The following TSHZ2 variants were observed in gnomAD, a reference collection of about 807,000 sequenced individuals.
The protein encoded by TSHZ2 is teashirt homolog 2.
A neutral mutation model predicts 74.4 loss-of-function variants in TSHZ2; 21 were observed. That is an observed-to-expected ratio of 0.28 (90% CI 0.20 to 0.41). The LOEUF is 0.41. Ranked by LOEUF, TSHZ2 falls within the 10% of genes least tolerant of loss-of-function variation. The pLI is 1.00. For synonymous variants in TSHZ2, 540 were observed against 515.3 expected (o/e 1.05, Z -0.65); for missense variants, 1,244 against 1,293.5 (o/e 0.96, Z 0.59).
chr20:53,125,742 A>T (rs564388948), intron 1 of TSHZ2, among the ~76,000 whole-genome samples: 148 of 151,138 alleles, frequency 9.8e-4, no homozygotes, highest in African/African-American at 2.3e-3. Flanking sequence ...AAAATATTTA[A>T]AAAAAAAAAA....
At chr20:53,333,420 C>T (rs1181928538) in intron 2 of TSHZ2, among the ~76,000 whole-genome samples, 1 of 151,404 alleles carries the variant, frequency 6.6e-6, no homozygotes, top group Non-Finnish European at 1.5e-5. Context: ...GTTGGGAGGC[C>T]CAGAGCACTC....
At position 53,256,646 on chromosome 20, in the gene TSHZ2, G is replaced by A. The variant is rs1990490685; in HGVS notation, c.*8+75G>A. 1 of 1,488,074 alleles carries A rather than the reference G, an allele frequency of 6.7e-7. No individual in the cohort carries two copies. The highest frequency in any genetic ancestry group is 1.4e-5 in the African/African-American group (1 of 71,482). 92.2% of individuals were successfully genotyped at this position (1,488,074 alleles called of 1,614,324 possible). A position where few individuals can be genotyped will look rare whatever the true frequency, so the allele number is the denominator to read the frequency against. On this transcript the variant is annotated intron_variant, in intron 2 of 2. Coordinates refer to ENST00000371497, the MANE Select transcript of TSHZ2 (RefSeq NM_173485.6). This position sits in a 1 kb window ranked among gnomAD's most constrained non-coding sequence, Gnocchi z 4.3. ...TACAGGGAGATGGGTCTGCTTAGAG[G>A]CAGCTAGCATCTCCCAATGCCAAGC...
At chr20:53,349,259 A>G (rs1980552538) in intron 2 of TSHZ2, among the ~76,000 whole-genome samples, 1 of 152,256 alleles carries the variant, frequency 6.6e-6, no homozygotes, top group Non-Finnish European at 1.5e-5. Context: ...TAACTTAGTT[A>G]ATAATACATA....
chr20:53,091,001 C>T (rs1370869422), intron 1 of TSHZ2, among the ~76,000 whole-genome samples: 2 of 151,970 alleles, frequency 1.3e-5, no homozygotes, highest in African/African-American at 4.8e-5. Flanking sequence ...TGTTTATATT[C>T]CCTCAGGAGT....
chr20:52,990,419 A>G (rs1981936892), intron 1 of TSHZ2, among the ~76,000 whole-genome samples: 1 of 143,114 alleles, frequency 7.0e-6, no homozygotes, highest in South Asian at 2.6e-4. Context: ...AATCCCAATA[A>G]TAAGTGTGTT....
chr20:53,154,589 C>T (rs913789306), intron 1 of TSHZ2, among the ~76,000 whole-genome samples: 1 of 152,082 alleles, frequency 6.6e-6, no homozygotes, highest in South Asian at 2.1e-4. Flanking sequence ...TTCATCAATA[C>T]TTTTCTTTCT....
At chr20:53,227,564 T>C (rs1989713886) in intron 1 of TSHZ2, among the ~76,000 whole-genome samples, 1 of 152,000 alleles carries the variant, frequency 6.6e-6, no homozygotes. Context: ...AGTGATTTAA[T>C]TGTTTCTTAT....
intron 1 of TSHZ2, chr20:53,178,996 T>C (rs1988410161): frequency 6.6e-6 from 1 of 152,224 alleles, no homozygotes; most frequent in African/African-American, 2.4e-5. Context: ...GCTGTAGTTT[T>C]AGTGTGATTT....
At chr20:53,464,951 G>C (rs1342807154) in intron 2 of TSHZ2, among the ~76,000 whole-genome samples, 2 of 152,174 alleles carry the variant, frequency 1.3e-5, no homozygotes, top group African/African-American at 4.8e-5. Context: ...ACATATTTGA[G>C]GTGCTTTTAC....
chr20:53,179,416 A>G (rs1040548576), intron 1 of TSHZ2: 5 of 152,180 alleles, frequency 3.3e-5, no homozygotes, highest in African/African-American at 1.2e-4. Context: ...CGTAATTTTC[A>G]CCTTACAGAA....
chr20:53,179,988 T>C (rs966588420), intron 1 of TSHZ2, among the ~76,000 whole-genome samples: 1 of 152,206 alleles, frequency 6.6e-6, no homozygotes, highest in Non-Finnish European at 1.5e-5. Context: ...AAACACCTTC[T>C]GAAAGGAAAA....
At chr20:53,302,220 G>T (rs1467170639) in intron 2 of TSHZ2, among the ~76,000 whole-genome samples, 2 of 152,128 alleles carry the variant, frequency 1.3e-5, no homozygotes. Context: ...GGGTTCAGAA[G>T]GACAGCCGAG....
chr20:53,371,227 C>T (rs980334122), intron 2 of TSHZ2, among the ~76,000 whole-genome samples: 2 of 152,120 alleles, frequency 1.3e-5, no homozygotes, highest in Non-Finnish European at 2.9e-5. Context: ...CTTGGGAGGA[C>T]AGAATTCAAG....
At chr20:53,328,380 G>A (rs1979583626) in intron 2 of TSHZ2, among the ~76,000 whole-genome samples, 1 of 152,264 alleles carries the variant, frequency 6.6e-6, no homozygotes, top group Non-Finnish European at 1.5e-5. Context: ...TTTGTAAGTA[G>A]TTGGAATCTC....
chr20:53,399,182 A>C (rs1423984656), intron 2 of TSHZ2: 1 of 152,186 alleles, frequency 6.6e-6, no homozygotes, highest in African/African-American at 2.4e-5. Context: ...TGCATAATGG[A>C]ACAGAGTCCC....
At chr20:53,371,585 C>T (rs972675408) in intron 2 of TSHZ2, among the ~76,000 whole-genome samples, 1 of 152,204 alleles carries the variant, frequency 6.6e-6, no homozygotes, top group African/African-American at 2.4e-5. Flanking sequence ...CAAAAGTCAG[C>T]AGGAGCTGGG....
At chr20:53,277,089 C>T (rs1990963689) in intron 2 of TSHZ2, among the ~76,000 whole-genome samples, 1 of 152,268 alleles carries the variant, frequency 6.6e-6, no homozygotes, top group South Asian at 2.1e-4. Context: ...CTGCTGAGAT[C>T]GCTTAAAGAG....
chr20:53,215,500 G>A (rs781208662), intron 1 of TSHZ2, among the ~76,000 whole-genome samples: 7 of 150,558 alleles, frequency 4.6e-5, no homozygotes, highest in Non-Finnish European at 1.0e-4. Context: ...TACAGTCAGA[G>A]TTCCATCATG....
intron 2 of TSHZ2, among the ~76,000 whole-genome samples, chr20:53,484,382 CTTTT>C (rs10610067): frequency 5.1e-5 from 5 of 98,834 alleles, no homozygotes; most frequent in African/African-American, 2.0e-4. Context: ...TTATCTCTCT[CTTTT>C]TTTTTTTTTT....
Sources: gnomAD v4.1 joint callset for allele counts (sites outside exome capture counted in the v4.1 genomes callset) on GRCh38, gnomAD v4.1.1 for gene constraint, Gnocchi (gnomAD v3.1) non-coding constraint, MANE v1.5 for transcripts, NCBI Gene and HGNC (gene_info 2026-07-23, HGNC 2026-07-21) for gene names.